The following MARCHF3 variants were observed in gnomAD, a reference collection of about 807,000 sequenced individuals.
The protein encoded by MARCHF3 is E3 ubiquitin-protein ligase MARCHF3.
MARCHF3 carries 13 observed loss-of-function variants against 24.2 expected under a neutral mutation model. The ratio of observed to expected loss-of-function variants is 0.54; its 90% CI spans 0.35 to 0.85. The LOEUF (loss-of-function observed/expected upper bound fraction) is 0.85. Ranked by LOEUF, MARCHF3 falls within the 40% of genes least tolerant of loss-of-function variation. The probability of loss-of-function intolerance (pLI) is 0.01; values close to 1 mark genes in which losing one functional copy is unlikely to be tolerated. For missense variants in MARCHF3, 276 were observed against 325.0 expected, an observed-to-expected ratio of 0.85 and a Z score of 1.16; for synonymous variants, 144 against 137.3, an observed-to-expected ratio of 1.05 and a Z score of -0.34.
Position 126,914,915 on chromosome 5 carries a change from G to A in MARCHF3, c.393+15C>T. On this transcript the variant is annotated intron_variant, in intron 3 of 4. Coordinates refer to ENST00000308660, the MANE Select transcript of MARCHF3 (RefSeq NM_178450.5). ...CATTAGAGCTAAGTTTTCAGGACGTGCCCCACTTACTGACCTCCACTAACG... is the reference window on the plus strand; with the variant it reads ...CATTAGAGCTAAGTTTTCAGGACGTACCCCACTTACTGACCTCCACTAACG... The A allele has an allele frequency of 6.2e-7, 1 of 1,613,682 alleles. No individual in the cohort carries two copies. The highest frequency in any genetic ancestry group is 8.5e-7 in the Non-Finnish European group (1 of 1,179,858).
Position 126,868,236 on chromosome 5 carries a change from T to C in MARCHF3, c.*2397A>G, listed in dbSNP as rs1752834843. 1 of 152,010 alleles carries C rather than the reference T, an allele frequency of 6.6e-6. No individual in the cohort carries two copies. The highest frequency in any genetic ancestry group is 2.1e-4 in the South Asian group (1 of 4,814). The allele number at this position is 152,010 out of a possible 1,614,324, so 9.4% of individuals were successfully genotyped here. A position where few individuals can be genotyped will look rare whatever the true frequency, so the allele number is the denominator to read the frequency against. On this transcript the variant is annotated 3_prime_UTR_variant, in exon 5 of 5. Coordinates refer to ENST00000308660, the MANE Select transcript of MARCHF3 (RefSeq NM_178450.5). ...TCCATGGGGCAAGGCTTGGAGGGGA[T>C]GAAATATCCTCCAAGAGTTCAGAAT... is the stretch of plus-strand genomic sequence containing the variant.
At chr5:126,973,871 C>CA (rs2126831131) in intron 1 of MARCHF3, among the ~76,000 whole-genome samples, 1 of 143,066 alleles carries the variant, frequency 7.0e-6, no homozygotes, top group Admixed American at 7.2e-5. Flanking sequence ...GAATATTAAG[C>CA]AAAATCTATT....
In MARCHF3 at chr5:126,915,102, C is replaced by A; in HGVS notation, c.221G>T (p.Cys74Phe). The A allele has an allele frequency of 6.2e-7, 1 of 1,614,124 alleles. No individual in the cohort carries two copies. Among genetic ancestry groups the A allele is most frequent in the Non-Finnish European group, 8.5e-7 (1 of 1,180,036 alleles). The change falls in exon 3 of 5, where the codon TGC becomes TTC. Residue 74 changes from cysteine to phenylalanine, a missense_variant. Physicochemically the swap from Cys to Phe is radical, Grantham distance 205. Coordinates refer to ENST00000308660, the MANE Select transcript of MARCHF3 (RefSeq NM_178450.5). ...GTCCTCTTGGCTGCTGCCCTCGTGG[C>A]AGATCCTGCACATCGGCCGGTCATT... ...PFNDRPMCRI[C>F]HEGSSQEDLL...
At position 127,005,473 on chromosome 5, in the gene MARCHF3, G is replaced by A. The variant is rs539204298; in HGVS notation, c.-57+24877C>T. On this transcript the variant is annotated intron_variant, in intron 1 of 4. Coordinates refer to ENST00000308660, the MANE Select transcript of MARCHF3 (RefSeq NM_178450.5). ...TTGAAAGATCAGATTATGTTACCAC[G>A]TGATCCTGGGTAAGTCCCACAACTC... 5.9e-5 allele frequency among the ~76,000 whole-genome samples: 9 copies of A among 152,094 alleles called. No homozygotes were observed. The South Asian group carries it at 1.2e-3, about 21-fold the overall frequency.
chr5:127,026,089 G>A (rs150132257), intron 1 of MARCHF3, among the ~76,000 whole-genome samples: 68 of 151,066 alleles, frequency 4.5e-4, no homozygotes, highest in African/African-American at 1.5e-3. Context: ...CCAGAAGAAT[G>A]CCATAGCTAA....
intron 1 of MARCHF3, among the ~76,000 whole-genome samples, chr5:126,955,767 T>C (rs1455110083): frequency 1.3e-5 from 2 of 152,250 alleles, no homozygotes; most frequent in African/African-American, 4.8e-5. Flanking sequence ...GTTTGTCTTT[T>C]AGCTTTACTC....
rs182535344 is a variant in MARCHF3 at position 126,870,277 on chromosome 5, A to G, written c.*356T>C. On this transcript the variant is annotated 3_prime_UTR_variant, in exon 5 of 5. Coordinates refer to ENST00000308660, the MANE Select transcript of MARCHF3 (RefSeq NM_178450.5). Reference sequence around the variant, plus strand: ...TCATCTAAGTTTAATATATATATATATGTGTGTGTGTTTGAAATAGTAATA... The same window carrying G: ...TCATCTAAGTTTAATATATATATATGTGTGTGTGTGTTTGAAATAGTAATA... 2.0e-3 allele frequency: 342 copies of G among 170,714 alleles called. 1 individual carries two copies. The highest frequency in any genetic ancestry group is 5.4e-3 in the South Asian group (35 of 6,452). 10.6% of individuals were successfully genotyped at this position (170,714 alleles called of 1,614,324 possible).
chr5:126,931,280 G>A (rs1749472069), intron 1 of MARCHF3, among the ~76,000 whole-genome samples: 1 of 152,136 alleles, frequency 6.6e-6, no homozygotes, highest in African/African-American at 2.4e-5. Context: ...TGCATTGAGA[G>A]CTGCTGAACC....
At chr5:127,024,164 G>C (rs1752919209) in intron 1 of MARCHF3, among the ~76,000 whole-genome samples, 1 of 152,166 alleles carries the variant, frequency 6.6e-6, no homozygotes, top group Non-Finnish European at 1.5e-5. Flanking sequence ...GAAACAGAGG[G>C]ACTTTGGAGA....
intron 1 of MARCHF3, among the ~76,000 whole-genome samples, chr5:126,930,028 T>C (rs1040872642): frequency 1.3e-5 from 2 of 152,172 alleles, no homozygotes; most frequent in African/African-American, 2.4e-5. Context: ...GCCTCAGGTA[T>C]GTCTTTATTA....
At position 126,932,434 on chromosome 5, in the gene MARCHF3, G is replaced by C. The variant is rs1424353314; in HGVS notation, c.-56-14207C>G. Among the ~76,000 whole-genome samples the C allele has an allele frequency of 2.0e-5, 3 of 152,238 alleles. No homozygotes were observed. In the East Asian group the frequency reaches 5.8e-4, roughly 29 times the overall value. On this transcript the variant is annotated intron_variant, in intron 1 of 4. Transcript: ENST00000308660. ...GTCTTACCCAGTGGGTGCTCGCTGA[G>C]TGGTAGCTCTCATCATTATTAGAGT...
chr5:126,921,778 G>A (rs768002737), intron 1 of MARCHF3, among the ~76,000 whole-genome samples: 1 of 152,202 alleles, frequency 6.6e-6, no homozygotes, highest in East Asian at 1.9e-4. Flanking sequence ...TGCTGGCCAG[G>A]CTTGACACCT....
chr5:126,937,694 A>T (rs79835828), intron 1 of MARCHF3, among the ~76,000 whole-genome samples: 1,670 of 152,324 alleles, frequency 0.011, 27 homozygotes, highest in African/African-American at 0.038. Flanking sequence ...CACTATTATT[A>T]TTTAATACTG....
At chr5:126,911,750 AAG>A (rs1455711988) in intron 3 of MARCHF3, among the ~76,000 whole-genome samples, 1 of 152,236 alleles carries the variant, frequency 6.6e-6, no homozygotes, top group Non-Finnish European at 1.5e-5. Context: ...TTTAGGGTAA[AAG>A]AGACTAAAAG....
In MARCHF3 at chr5:126,878,241, C is replaced by T. The variant is rs770893297; in HGVS notation, c.547G>A (p.Val183Ile). The change falls in exon 4 of 5, where the codon GTC (valine) becomes ATC (isoleucine). Residue 183 changes from valine (V) to isoleucine (I), a missense_variant. Transcript: ENST00000308660. ...GCGACAGTGAGTGCAATCAGTCCGA[C>T]GGCTTCCAGCCGACTACTAAAGTGC... ...HLHFSSRLEA[V>I]GLIALTVALF... The T allele has an allele frequency of 2.2e-5, 35 of 1,614,154 alleles. No individual in the cohort carries two copies. Among genetic ancestry groups the T allele is most frequent in the Admixed American group, 8.3e-5 (5 of 60,012 alleles).
chr5:126,932,119 C>T (rs1749497002), intron 1 of MARCHF3, among the ~76,000 whole-genome samples: 2 of 152,222 alleles, frequency 1.3e-5, no homozygotes, highest in Non-Finnish European at 2.9e-5. Flanking sequence ...TCAAATGTTT[C>T]CAGGGTGCCC....
intron 3 of MARCHF3, among the ~76,000 whole-genome samples, chr5:126,897,045 A>ATT (rs759577287): frequency 6.0e-5 from 7 of 116,448 alleles, no homozygotes; most frequent in South Asian, 3.1e-4. Context: ...AAGTTTGAGA[A>ATT]TTTTTTTTTT....
intron 1 of MARCHF3, among the ~76,000 whole-genome samples, chr5:126,969,477 A>T (rs1750927091): frequency 6.6e-6 from 1 of 152,226 alleles, no homozygotes; most frequent in East Asian, 1.9e-4. Context: ...AAGTTTAAAA[A>T]CACAGACTGT....
chr5:126,970,911 G>A (rs1403371655), intron 1 of MARCHF3, among the ~76,000 whole-genome samples: 1 of 152,140 alleles, frequency 6.6e-6, no homozygotes, highest in African/African-American at 2.4e-5. Context: ...CAAGAACAGA[G>A]CACAGCAAGC....
Sources: gnomAD v4.1 joint callset for allele counts (sites outside exome capture counted in the v4.1 genomes callset) on GRCh38, gnomAD v4.1.1 for gene constraint, MANE v1.5 for transcripts, NCBI Gene and HGNC (gene_info 2026-07-23, HGNC 2026-07-21) for gene names.